The following PEBP4 variants were observed in gnomAD, a reference collection of about 807,000 sequenced individuals.
PEBP4 encodes the protein phosphatidylethanolamine binding protein 4, also known as phosphatidylethanolamine-binding protein 4.
PEBP4 carries 22 observed loss-of-function variants against 23.9 expected under a neutral mutation model. That is an observed-to-expected ratio of 0.92 (90% CI 0.66 to 1.31). The LOEUF (loss-of-function observed/expected upper bound fraction) is 1.31. Among genes scored for constraint, PEBP4 ranks in the 40% most tolerant of loss-of-function variants. PEBP4 has a pLI of 0.00. For synonymous variants in PEBP4, 112 were observed against 99.3 expected, an observed-to-expected ratio of 1.13 and a Z score of -0.76; for missense variants, 324 against 281.7, an observed-to-expected ratio of 1.15 and a Z score of -1.07.
intron 3 of PEBP4, among the ~76,000 whole-genome samples, chr8:22,893,038 G>A (rs1170408654): frequency 1.3e-5 from 2 of 152,198 alleles, no homozygotes; most frequent in African/African-American, 4.8e-5. Context: ...TGAGTCTTCA[G>A]ATGAGTACAG....
intron 3 of PEBP4, among the ~76,000 whole-genome samples, chr8:22,852,365 G>T (rs1316883868): frequency 6.6e-6 from 1 of 152,130 alleles, no homozygotes; most frequent in African/African-American, 2.4e-5. Context: ...ACCATGCTCT[G>T]ATTACACGAA....
Position 22,735,752 on chromosome 8 carries a change from G to A in PEBP4, c.358-8532C>T, listed in dbSNP as rs1401471625. 8.5e-5 allele frequency among the ~76,000 whole-genome samples: 13 copies of A among 152,220 alleles called. No individual in the cohort carries two copies. The East Asian group carries it at 2.5e-3, about 29-fold the overall frequency. ...GCCCCAGCTGGGGGACACTGCCCAC[G>A]TGGCAGGTCAGAGCAGGATGCTGCT... On this transcript the variant is annotated intron_variant, in intron 4 of 6. Transcript: ENST00000256404.
At chr8:22,834,676 G>A (rs956677423) in intron 3 of PEBP4, among the ~76,000 whole-genome samples, 7 of 151,382 alleles carry the variant, frequency 4.6e-5, no homozygotes, top group African/African-American at 1.7e-4. Context: ...TCCCTAGGGA[G>A]GGATCTCTTC....
chr8:22,746,926 A>G (rs545905360), intron 4 of PEBP4, among the ~76,000 whole-genome samples: 1 of 152,302 alleles, frequency 6.6e-6, no homozygotes, highest in East Asian at 1.9e-4. Context: ...TTACGGCTCA[A>G]GTGATCTTCC....
At chr8:22,932,616 A>G (rs1809475168), upstream of PEBP4, among the ~76,000 whole-genome samples, 1 of 152,140 alleles carries the variant, frequency 6.6e-6, no homozygotes, top group African/African-American at 2.4e-5. Flanking sequence ...TAGAGCAGCC[A>G]AGTAAATGCC....
intron 4 of PEBP4, among the ~76,000 whole-genome samples, chr8:22,770,011 C>T (rs575378975): frequency 2.6e-4 from 39 of 152,128 alleles, no homozygotes; most frequent in Admixed American, 2.0e-4. Flanking sequence ...TCTTGTCCAC[C>T]CCGCCGCCTA....
rs568003137 is a variant in PEBP4, at chr8:22,773,856, T to G, written c.357+43781A>C. 3.4e-4 allele frequency among the ~76,000 whole-genome samples: 52 copies of G among 152,170 alleles called. 1 individual carries two copies. The highest frequency in any genetic ancestry group is 2.9e-5 in the Non-Finnish European group (2 of 68,008). ...CCTCCACCCTTTTCCATCTTGTTCCTCTACCAGGGACCTTCCCTGTTCTGA... is the reference window on the plus strand; with the variant it reads ...CCTCCACCCTTTTCCATCTTGTTCCGCTACCAGGGACCTTCCCTGTTCTGA... On this transcript the variant is annotated intron_variant, in intron 4 of 6. Coordinates refer to ENST00000256404, the MANE Select transcript of PEBP4 (RefSeq NM_144962.3).
At chr8:22,903,798 A>G (rs1015023999) in intron 3 of PEBP4, among the ~76,000 whole-genome samples, 11 of 152,216 alleles carry the variant, frequency 7.2e-5, no homozygotes, top group Non-Finnish European at 1.5e-4. Context: ...TGCCCTTGCA[A>G]CTGGGCCAGG....
chr8:22,811,430 T>A (rs529742235), intron 4 of PEBP4, among the ~76,000 whole-genome samples: 122 of 152,344 alleles, frequency 8.0e-4, no homozygotes, highest in African/African-American at 2.9e-3. Context: ...ACATTTTATT[T>A]AAATTATTTT....
At chr8:22,727,145 G>C (rs1166919837) in intron 5 of PEBP4, 30 bp downstream of exon 5, 2 of 1,612,066 alleles carry the variant, frequency 1.2e-6, no homozygotes, top group East Asian at 4.5e-5. Flanking sequence ...TGCCCTGGCT[G>C]GGGGAAGGGG....
intron 3 of PEBP4, among the ~76,000 whole-genome samples, chr8:22,832,871 C>T (rs530532972): frequency 6.6e-6 from 1 of 152,284 alleles, no homozygotes; most frequent in South Asian, 2.1e-4. Flanking sequence ...GCCAGCCACC[C>T]ACCCACAGCC....
intron 3 of PEBP4, among the ~76,000 whole-genome samples, chr8:22,819,111 T>C (rs1465343734): frequency 1.3e-5 from 2 of 152,100 alleles, no homozygotes; most frequent in South Asian, 2.1e-4. Context: ...GTCATTGATA[T>C]AGAGATGGCC....
intron 3 of PEBP4, among the ~76,000 whole-genome samples, chr8:22,894,087 T>C (rs1808548245): frequency 6.6e-6 from 1 of 152,100 alleles, no homozygotes; most frequent in Non-Finnish European, 1.5e-5. Flanking sequence ...GCCCGCGGCA[T>C]ATAGTAGCAA....
intron 3 of PEBP4, among the ~76,000 whole-genome samples, chr8:22,882,642 T>G (rs1478468696): frequency 6.6e-6 from 1 of 152,204 alleles, no homozygotes; most frequent in East Asian, 1.9e-4. Context: ...ATTTTTGTGC[T>G]TTGACATTTT....
intron 3 of PEBP4, among the ~76,000 whole-genome samples, chr8:22,831,097 CT>C (rs1217583998): frequency 6.6e-6 from 1 of 152,176 alleles, no homozygotes; most frequent in African/African-American, 2.4e-5. Flanking sequence ...CACTCATCAC[CT>C]TTGCATATGT....
intron 3 of PEBP4, among the ~76,000 whole-genome samples, chr8:22,868,888 G>A (rs985666082): frequency 3.3e-5 from 5 of 152,138 alleles, no homozygotes; most frequent in South Asian, 2.1e-4. Flanking sequence ...CAGAGAAGTC[G>A]TGTTCAAACC....
At chr8:22,759,499 T>C (rs577531485) in intron 4 of PEBP4, among the ~76,000 whole-genome samples, 1 of 152,248 alleles carries the variant, frequency 6.6e-6, no homozygotes, top group East Asian at 1.9e-4. Context: ...AACAAGCCTC[T>C]GCCACCATGA....
Position 22,724,918 on chromosome 8 carries a change from G to A in PEBP4, c.442C>T (p.His148Tyr). 1 of 1,614,180 alleles carries A rather than the reference G, an allele frequency of 6.2e-7. No homozygotes were observed. The highest frequency in any genetic ancestry group is 8.5e-7 in the Non-Finnish European group (1 of 1,180,032). The stretch of plus-strand genomic sequence containing the variant: ...AGATAGACAAAGAACTGGTAGCGAT[G>A]GAAGCCACTGTGTGCCGGTGGGGAG... ...APSPPAHSGF[H>Y]RYQFFVYLQE... Residue 148 changes from histidine (H) to tyrosine (Y), a missense_variant, in exon 6 of 7, where the codon CAT becomes TAT. Coordinates refer to ENST00000256404, the MANE Select transcript of PEBP4 (RefSeq NM_144962.3).
chr8:22,771,192 T>C (rs1805711264), intron 4 of PEBP4, among the ~76,000 whole-genome samples: 1 of 152,204 alleles, frequency 6.6e-6, no homozygotes, highest in Non-Finnish European at 1.5e-5. Context: ...ATATATACCT[T>C]CTTCAACAGA....
Sources: allele counts gnomAD v4.1 joint callset (sites outside exome capture counted in the v4.1 genomes callset), GRCh38; gene constraint gnomAD v4.1.1; transcripts MANE v1.5; gene names NCBI Gene and HGNC (gene_info 2026-07-23, HGNC 2026-07-21).